LRRC37B: variants seen among roughly 807,000 people sequenced by gnomAD.
LRRC37B encodes leucine rich repeat containing 37B, also known as leucine-rich repeat-containing protein 37B.
Under a neutral mutation model 98.3 loss-of-function variants are expected in LRRC37B, and 28 were observed. The ratio of observed to expected loss-of-function variants is 0.28; its 90% confidence interval spans 0.21 to 0.39. The LOEUF is 0.39. LRRC37B is among the 10% of genes least tolerant of loss of function. The pLI is 1.00. For missense variants in LRRC37B, 938 were observed against 1,182.7 expected, an observed-to-expected ratio of 0.79 and a Z score of 3.03; for synonymous variants, 364 against 442.7, an observed-to-expected ratio of 0.82 and a Z score of 2.23.
At chr17:32,012,687 G>A (rs1910561199) in intron 1 of LRRC37B, among the ~76,000 whole-genome samples, 1 of 151,402 alleles carries the variant, frequency 6.6e-6, no homozygotes, top group Non-Finnish European at 1.5e-5. Flanking sequence ...CTGCATCCCA[G>A]CCTGGGAAGC....
intron 1 of LRRC37B, among the ~76,000 whole-genome samples, chr17:32,015,245 A>G (rs746835746): frequency 1.5e-4 from 23 of 152,242 alleles, no homozygotes; most frequent in Non-Finnish European, 3.1e-4. Flanking sequence ...GTTCAGTAAT[A>G]ATGTTAATAC....
chr17:32,027,450 T>A (rs1438954323), intron 2 of LRRC37B, among the ~76,000 whole-genome samples: 3 of 129,778 alleles, frequency 2.3e-5, no homozygotes, highest in African/African-American at 7.7e-5. Context: ...TGTGCTTGCC[T>A]GTGTGTGTGT....
upstream of LRRC37B, chr17:32,020,892 G>T: frequency 7.4e-7 from 1 of 1,354,506 alleles, no homozygotes. Context: ...GACCACCCCG[G>T]TCTGCGGCCC....
chr17:32,038,707 A>G (rs1223838466), intron 7 of LRRC37B, among the ~76,000 whole-genome samples: 1 of 151,990 alleles, frequency 6.6e-6, no homozygotes, highest in Non-Finnish European at 1.5e-5. Context: ...AAAATACACA[A>G]ATTAGCCAGT....
chr17:32,022,334 G>T (rs751377521), exon 1 of LRRC37B: 8 of 1,613,944 alleles, frequency 5.0e-6, no homozygotes, highest in Non-Finnish European at 6.8e-6. Flanking sequence ...ACCCTGAGGT[G>T]ACACTTCCAC....
At chr17:32,013,882 ATGATACCT>A (rs1214136050) in intron 1 of LRRC37B, among the ~76,000 whole-genome samples, 1 of 152,194 alleles carries the variant, frequency 6.6e-6, no homozygotes, top group African/African-American at 2.4e-5. Flanking sequence ...CAATGCATGT[ATGATACCT>A]TTGGCCACTA....
intron 1 of LRRC37B, among the ~76,000 whole-genome samples, chr17:32,012,711 A>G (rs1177485612): frequency 1.4e-5 from 2 of 147,564 alleles, no homozygotes; most frequent in Non-Finnish European, 3.0e-5. Context: ...GCAAGACTCC[A>G]TCTCAAATAA....
At chr17:32,015,191 T>A (rs1160410462) in intron 1 of LRRC37B, among the ~76,000 whole-genome samples, 2 of 152,176 alleles carry the variant, frequency 1.3e-5, no homozygotes, top group African/African-American at 4.8e-5. Flanking sequence ...ACACAGAAGA[T>A]AGGGATTGGG....
chr17:32,027,872 A>T, intron 3 of LRRC37B, 32 bp downstream of exon 6: 9 of 1,560,790 alleles, frequency 5.8e-6, no homozygotes, highest in Non-Finnish European at 7.8e-6. Context: ...TTGAGTTTTT[A>T]GTCATATTAT....
chr17:32,033,166 A>G (rs116079875), intron 5 of LRRC37B, among the ~76,000 whole-genome samples: 7,114 of 151,280 alleles, frequency 0.047, 502 homozygotes, highest in African/African-American at 0.15. Flanking sequence ...TCCAACAGAG[A>G]TGGGGTTTTA....
At chr17:32,043,461 T>C (rs1430449320) in intron 7 of LRRC37B, among the ~76,000 whole-genome samples, 3 of 152,142 alleles carry the variant, frequency 2.0e-5, no homozygotes, top group Admixed American at 1.3e-4. Flanking sequence ...CTCAGGAGGC[T>C]GAGGCGGGAG....
chr17:32,021,788 A>G, exon 1 of LRRC37B: 1 of 1,614,168 alleles, frequency 6.2e-7, no homozygotes, highest in Non-Finnish European at 8.5e-7. Flanking sequence ...AATTATCCAA[A>G]CCTCAGCGTC....
chr17:32,035,337 G>GT (rs1168298378), intron 6 of LRRC37B, among the ~76,000 whole-genome samples: 2 of 150,272 alleles, frequency 1.3e-5, no homozygotes, highest in Non-Finnish European at 3.0e-5. Flanking sequence ...TAAGATAATG[G>GT]TAAAAAAAAA....
intron 7 of LRRC37B, chr17:32,040,809 G>A (rs1177714089): frequency 2.4e-6 from 2 of 825,726 alleles, no homozygotes; most frequent in Non-Finnish European, 4.3e-6. Flanking sequence ...AGAGGTGAAG[G>A]ACTCCCTGGA....
chr17:32,022,277 G>A (rs775195753), exon 1 of LRRC37B: 16 of 1,613,742 alleles, frequency 9.9e-6, no homozygotes, highest in South Asian at 4.4e-5. Context: ...CCGAGGAGGC[G>A]GAACCTTCTT....
chr17:32,037,445 T>C (rs1182033865), intron 7 of LRRC37B, among the ~76,000 whole-genome samples: 1 of 151,998 alleles, frequency 6.6e-6, no homozygotes, highest in African/African-American at 2.4e-5. Context: ...TTTATATTTT[T>C]AGTAGAGATG....
rs1221162500 is a variant in LRRC37B, at chr17:32,045,695, T to G, written c.2205-5T>G. The G allele has an allele frequency of 6.2e-7, 1 of 1,605,442 alleles. No individual in the cohort carries two copies. On this transcript the variant is annotated splice_region_variant and splice_polypyrimidine_tract_variant and intron_variant, in intron 7 of 11. Coordinates refer to ENST00000327564, the Ensembl canonical transcript of LRRC37B. ...TAATTTATTGTTTTGTGTTTTCATCTATAGGATCTTACCTAGCCATATGGC... is the reference window on the plus strand; with the variant it reads ...TAATTTATTGTTTTGTGTTTTCATCGATAGGATCTTACCTAGCCATATGGC...
In LRRC37B at chr17:32,049,479, C is replaced by G. The variant is rs979134176; in HGVS notation, c.2757+85C>G. The G allele has an allele frequency of 4.9e-6, 7 of 1,425,510 alleles. No individual in the cohort carries two copies. In the African/African-American group the frequency reaches 1.0e-4, roughly 21 times the overall value. The allele number at this position is 1,425,510 out of a possible 1,614,324, so 88.3% of individuals were successfully genotyped here. A position where few individuals can be genotyped will look rare whatever the true frequency, so the allele number is the denominator to read the frequency against. On this transcript the variant is annotated intron_variant, in intron 10 of 11. Coordinates refer to ENST00000327564, the Ensembl canonical transcript of LRRC37B. ...AGTGCCCACATAGGAGAACCTGGGA[C>G]TCCCAGGCCATAGCTTGTCTTGGCC...
chr17:32,026,114 TG>T (rs1910945370), intron 2 of LRRC37B, among the ~76,000 whole-genome samples: 1 of 152,218 alleles, frequency 6.6e-6, no homozygotes, highest in African/African-American at 2.4e-5. Flanking sequence ...GACACATAAA[TG>T]ATTTTGGAAA....
Sources: gnomAD v4.1 joint callset for allele counts (sites outside exome capture counted in the v4.1 genomes callset) on GRCh38, gnomAD v4.1.1 for gene constraint, MANE v1.5 for transcripts, NCBI Gene and HGNC (gene_info 2026-07-23, HGNC 2026-07-21) for gene names.